MACF1: variants seen among roughly 807,000 people sequenced by gnomAD.
The protein encoded by MACF1 is microtubule actin crosslinking factor 1, also known as microtubule-actin cross-linking factor 1.
MACF1 carries 193 observed loss-of-function variants against 854.8 expected under a neutral mutation model. The ratio of observed to expected loss-of-function variants is 0.23; its 90% CI spans 0.20 to 0.25. MACF1 has a LOEUF of 0.25. Ranked by LOEUF, MACF1 falls within the 10% of genes least tolerant of loss-of-function variation. The probability of loss-of-function intolerance (pLI) is 1.00; values close to 1 mark genes in which losing one functional copy is unlikely to be tolerated. For missense variants in MACF1, 7,722 were observed against 8,929.1 expected (o/e 0.86, Z 5.45); for synonymous variants, 3,185 against 3,226.7 (o/e 0.99, Z 0.44).
At chr1:39,469,343 G>C (rs1296602659) in intron 96 of MACF1, among the ~76,000 whole-genome samples, 1 of 152,190 alleles carries the variant, frequency 6.6e-6, no homozygotes, top group Non-Finnish European at 1.5e-5. Flanking sequence ...CAGCTAGGGG[G>C]TGTGTGGGGA....
At chr1:39,467,257 C>T (rs945453466) in intron 95 of MACF1, among the ~76,000 whole-genome samples, 2 of 151,946 alleles carry the variant, frequency 1.3e-5, no homozygotes, top group South Asian at 2.1e-4. Context: ...CCCAGCTACT[C>T]GGAAGGCTGA....
At chr1:39,228,581 T>C (rs192350258) in intron 1 of MACF1, among the ~76,000 whole-genome samples, 2 of 152,352 alleles carry the variant, frequency 1.3e-5, no homozygotes, top group Admixed American at 1.3e-4. Flanking sequence ...TCAAATCTAA[T>C]GAGAATCCTG....
intron 61 of MACF1, among the ~76,000 whole-genome samples, chr1:39,426,545 G>T (rs1288022175): frequency 2.0e-5 from 3 of 152,102 alleles, no homozygotes; most frequent in African/African-American, 7.2e-5. Context: ...TTCCTTGTCA[G>T]GCTATCTCCA....
intron 1 of MACF1, among the ~76,000 whole-genome samples, chr1:39,214,924 G>C (rs1161299121): frequency 6.6e-6 from 1 of 152,182 alleles, no homozygotes; most frequent in East Asian, 1.9e-4. Flanking sequence ...TAGCTCACCA[G>C]CTCTCCTGCA....
chr1:39,368,182 A>T lies in MACF1; in HGVS notation c.12806A>T (p.Asn4269Ile). The T allele has an allele frequency of 6.2e-7, 1 of 1,614,116 alleles. No individual in the cohort carries two copies. The highest frequency in any genetic ancestry group is 8.5e-7 in the Non-Finnish European group (1 of 1,180,028). ...TTGGAAATGGAAGACCAACAGGAGA[A>T]CCTAGATACTCTTGAGCACCTGGTC... ...LNLEMEDQQE[N>I]LDTLEHLVTE... Residue 4269 changes from asparagine to isoleucine, a missense_variant, in exon 50 of 101, where the codon AAC becomes ATC. By Grantham distance (149) the Asn-to-Ile change is moderately radical. Transcript: ENST00000564288.
chr1:39,148,199 T>TA (rs1643506361), intron 2 of MACF1, among the ~76,000 whole-genome samples: 1 of 152,228 alleles, frequency 6.6e-6, no homozygotes, highest in Non-Finnish European at 1.5e-5. Context: ...CAGCCTCCCC[T>TA]AGACCATGAG....
rs551530523 is a variant in MACF1, at chr1:39,301,121, T to TTTTA, written c.2634+779_2634+782dup. 9.9e-3 allele frequency among the ~76,000 whole-genome samples: 1,512 copies of TTTTA among 152,194 alleles called. 12 individuals are homozygous for TTTTA. Among genetic ancestry groups the TTTTA allele is most frequent in the Middle Eastern group, 0.02 (6 of 294 alleles). The stretch of plus-strand genomic sequence containing the variant: ...CAGCATGTTCTTTTTTTAATTTTAA[T>TTTTA]TTTATTTATTTATTTATTTATTTGA... On this transcript the variant is annotated intron_variant, in intron 22 of 100. Transcript: ENST00000564288.
chr1:39,322,734 GA>G lies in MACF1; in HGVS notation c.4137+22del, dbSNP rs1164387290. The G allele has an allele frequency of 1.2e-6, 2 of 1,604,586 alleles. No individual in the cohort carries two copies. The highest frequency in any genetic ancestry group is 2.2e-5 in the East Asian group (1 of 44,820). ...TCAAGAGGTGAGAGGGTGGGGGAAG[GA>G]AATACACCACTGTCTTCCCTTAAGG... is the stretch of plus-strand genomic sequence containing the variant. On this transcript the variant is annotated intron_variant, in intron 32 of 100. Transcript: ENST00000564288.
At chr1:39,405,439 G>A (rs533934275) in intron 58 of MACF1, among the ~76,000 whole-genome samples, 1 of 152,370 alleles carries the variant, frequency 6.6e-6, no homozygotes, top group South Asian at 2.1e-4. Flanking sequence ...CAAGGTGGGT[G>A]ATAAGGCATC....
At chr1:39,263,771 C>CTTTTTTTTTTTTTTTTTTTTTTT (rs11453750) in intron 6 of MACF1, among the ~76,000 whole-genome samples, 12 of 100,166 alleles carry the variant, frequency 1.2e-4, no homozygotes, top group South Asian at 3.4e-4. Flanking sequence ...TTTCTTTTTT[C>CTTTTTTTTTTTTTTTTTTTTTTT]TTTTTTTTTT....
At chr1:39,338,102 T>C (rs997050139) in intron 38 of MACF1, among the ~76,000 whole-genome samples, 2 of 152,140 alleles carry the variant, frequency 1.3e-5, no homozygotes, top group Non-Finnish European at 2.9e-5. Context: ...TTTGGATTGA[T>C]TTAGGTAAGT....
rs549855382 is a variant in MACF1 at position 39,217,966 on chromosome 1, G to A, written c.109+12835G>A. Among the ~76,000 whole-genome samples the A allele has an allele frequency of 6.6e-5, 10 of 151,566 alleles. No individual in the cohort carries two copies. In the East Asian group the frequency reaches 1.4e-3, roughly 21 times the overall value. ...TGGGAGGCCGAGGCGGGCGGATCAC[G>A]AGGTCAGGAGATCGAGACCATCCTG... On this transcript the variant is annotated intron_variant, in intron 1 of 100. Transcript: ENST00000564288.
At chr1:39,275,912 G>GCTTCTTCTT (rs57589734) in intron 6 of MACF1, among the ~76,000 whole-genome samples, 1 of 146,306 alleles carries the variant, frequency 6.8e-6, no homozygotes, top group Non-Finnish European at 1.5e-5. Flanking sequence ...GCCTTCATCT[G>GCTTCTTCTT]CTTCTTCTTC....
chr1:39,420,114 G>A (rs1643478536), intron 58 of MACF1, among the ~76,000 whole-genome samples: 1 of 152,186 alleles, frequency 6.6e-6, no homozygotes, highest in African/African-American at 2.4e-5. Flanking sequence ...CTGAGGAACT[G>A]GATTTTAAAT....
intron 2 of MACF1, among the ~76,000 whole-genome samples, chr1:39,096,212 G>A (rs72637903): frequency 0.17 from 25,536 of 149,982 alleles, 2,755 homozygotes; most frequent in Middle Eastern, 0.25. Context: ...TTGCAGGAAA[G>A]ATTGAGTCTT....
rs1377790682 is a variant in MACF1 at position 39,105,877 on chromosome 1, A to G, written c.220+21439A>G. ...GCTGCTTCTCGGGGCCAGTTTATTT[A>G]CAGAGTTGAGATAAGCCTTCGGAAA... On this transcript the variant is annotated intron_variant, in intron 2 of 93. Coordinates refer to the MACF1 transcript ENST00000361689. The surrounding 1 kb of genome is among the most constrained non-coding windows in gnomAD (Gnocchi z 5.9). Among the ~76,000 whole-genome samples, 2 of 151,306 alleles carry G rather than the reference A, an allele frequency of 1.3e-5. No homozygotes were observed. Among genetic ancestry groups the G allele is most frequent in the Non-Finnish European group, 3.0e-5 (2 of 67,728 alleles).
intron 58 of MACF1, chr1:39,411,853 G>T (rs537913978): frequency 3.1e-6 from 5 of 1,613,838 alleles, no homozygotes; most frequent in Non-Finnish European, 4.2e-6. Context: ...AAGGGCAAAA[G>T]ATTATGATAC....
At chr1:39,444,641 C>A in intron 79 of MACF1, 21 bp from the exon 80 acceptor site, 2 of 1,597,134 alleles carry the variant, frequency 1.3e-6, no homozygotes, top group Non-Finnish European at 8.6e-7. Context: ...GAATTGATAT[C>A]TTTCCTGCCT....
intron 6 of MACF1, among the ~76,000 whole-genome samples, chr1:39,275,180 G>T (rs1157634934): frequency 6.6e-6 from 1 of 150,726 alleles, no homozygotes; most frequent in East Asian, 2.0e-4. Context: ...CCAGGTTCAC[G>T]CCATTCTCCC....
Sources: allele counts gnomAD v4.1 joint callset (sites outside exome capture counted in the v4.1 genomes callset), GRCh38; gene constraint gnomAD v4.1.1; non-coding constraint Gnocchi (gnomAD v3.1); transcripts MANE v1.5; gene names NCBI Gene and HGNC (gene_info 2026-07-23, HGNC 2026-07-21).